Variants in COL4A2 observed in about 807,000 individuals in gnomAD.
COL4A2 encodes collagen alpha-2(IV) chain.
A neutral mutation model predicts 200.2 loss-of-function variants in COL4A2; 99 were observed. That is an observed-to-expected ratio of 0.49 (90% CI 0.42 to 0.58). The LOEUF (loss-of-function observed/expected upper bound fraction) is 0.58. Among genes scored for constraint, COL4A2 ranks in the 20% least tolerant of loss-of-function variants. The pLI, the probability that COL4A2 is intolerant of heterozygous loss-of-function variation, is 0.00. For missense variants in COL4A2, 1,950 were observed against 2,314.1 expected, an observed-to-expected ratio of 0.84 and a Z score of 3.23; for synonymous variants, 897 against 900.6, an observed-to-expected ratio of 1.00 and a Z score of 0.07.
chr13:110,334,136 G>A lies in COL4A2; in HGVS notation c.100-23336G>A, dbSNP rs915786346. ...CTAGACACGGCCTGAACACAGAGGC[G>A]TTTGATAAAAAATGTACAATATGAC... On this transcript the variant is annotated intron_variant, in intron 3 of 47. Coordinates refer to ENST00000360467, the MANE Select transcript of COL4A2 (RefSeq NM_001846.4). 3.3e-5 allele frequency among the ~76,000 whole-genome samples: 5 copies of A among 152,230 alleles called. No individual in the cohort carries two copies. In the South Asian group the frequency reaches 6.2e-4, roughly 19 times the overall value.
intron 3 of COL4A2, among the ~76,000 whole-genome samples, chr13:110,341,778 G>A (rs1239245993): frequency 2.6e-5 from 4 of 152,180 alleles, no homozygotes; most frequent in East Asian, 1.9e-4. Flanking sequence ...CCAGAGGGCC[G>A]ACGTTTCCTG....
intron 4 of COL4A2, among the ~76,000 whole-genome samples, chr13:110,395,291 C>T (rs943093118): frequency 9.9e-5 from 15 of 152,206 alleles, no homozygotes; most frequent in Non-Finnish European, 1.8e-4. Flanking sequence ...CTTCCTTCTA[C>T]GGAGCACTGC....
chr13:110,441,734 C>T (rs1881130244), intron 16 of COL4A2, among the ~76,000 whole-genome samples: 1 of 152,132 alleles, frequency 6.6e-6, no homozygotes, highest in Non-Finnish European at 1.5e-5. Flanking sequence ...TAATTTCCTA[C>T]CATGTGCTGG....
chr13:110,433,647 T>G (rs1880767284), intron 11 of COL4A2, among the ~76,000 whole-genome samples: 1 of 152,238 alleles, frequency 6.6e-6, no homozygotes, highest in African/African-American at 2.4e-5. Context: ...AGGGCTTATG[T>G]GACCCCGCTG....
chr13:110,503,001 T>A (rs1883703496), intron 41 of COL4A2, 120 bp from the exon 42 acceptor site: 4 of 895,578 alleles, frequency 4.5e-6, no homozygotes, highest in East Asian at 2.5e-5. Flanking sequence ...ATAGACAAAG[T>A]CATTCCATGC....
At chr13:110,437,240 C>G (rs895083794) in intron 13 of COL4A2, among the ~76,000 whole-genome samples, 20 of 152,142 alleles carry the variant, frequency 1.3e-4, no homozygotes, top group Admixed American at 6.5e-4. Context: ...TATGAGTGAC[C>G]GTTGACAAAA....
At chr13:110,367,738 T>G (rs938248041) in intron 4 of COL4A2, among the ~76,000 whole-genome samples, 2 of 152,244 alleles carry the variant, frequency 1.3e-5, no homozygotes, top group African/African-American at 4.8e-5. Flanking sequence ...AACAGAATCC[T>G]ATGAGCCTGG....
At chr13:110,422,660 T>A (rs1489128031) in intron 4 of COL4A2, among the ~76,000 whole-genome samples, 1 of 152,174 alleles carries the variant, frequency 6.6e-6, no homozygotes, top group Non-Finnish European at 1.5e-5. Flanking sequence ...TCCCCTTGGT[T>A]TGAGGGGACA....
In COL4A2 at chr13:110,467,728, G is replaced by T. The variant is rs551024063; in HGVS notation, c.2095+632G>T. Reference sequence around the variant, plus strand: ...CGATTCTGCTGCCCTGCACTCCAGGGTCTCCGTGGGCCTGTGAGCATCGGG... The same window carrying T: ...CGATTCTGCTGCCCTGCACTCCAGGTTCTCCGTGGGCCTGTGAGCATCGGG... On this transcript the variant is annotated intron_variant, in intron 27 of 47. Transcript: ENST00000360467. 4.6e-5 allele frequency among the ~76,000 whole-genome samples: 7 copies of T among 152,322 alleles called. No individual in the cohort carries two copies. The South Asian group carries it at 1.2e-3, about 27-fold the overall frequency.
At chr13:110,373,414 G>C (rs1339829974) in intron 4 of COL4A2, among the ~76,000 whole-genome samples, 1 of 152,218 alleles carries the variant, frequency 6.6e-6, no homozygotes, top group Non-Finnish European at 1.5e-5. Flanking sequence ...GCTTTGGGTA[G>C]TGAAATATTT....
In COL4A2 at chr13:110,400,614, A is replaced by G. The variant is rs149033586; in HGVS notation, c.181-24120A>G. 6.2e-4 allele frequency among the ~76,000 whole-genome samples: 94 copies of G among 152,366 alleles called. 2 individuals carry two copies. The East Asian group carries it at 0.018, about 29-fold the overall frequency. ...AATTACTATGATGACTATTAATTAC[A>G]TCATTTTCCAAAAGGGGGAAAAATA... On this transcript the variant is annotated intron_variant, in intron 4 of 47. Coordinates refer to ENST00000360467, the MANE Select transcript of COL4A2 (RefSeq NM_001846.4).
chr13:110,465,206 A>G (rs1474859325), intron 24 of COL4A2, among the ~76,000 whole-genome samples, 199 bp from the exon 25 acceptor site: 2 of 152,150 alleles, frequency 1.3e-5, no homozygotes, highest in Non-Finnish European at 2.9e-5. Flanking sequence ...CTTCCGTGGC[A>G]TTGCTTAGAC....
chr13:110,494,508 A>G (rs1173386901), intron 39 of COL4A2, among the ~76,000 whole-genome samples: 1 of 152,170 alleles, frequency 6.6e-6, no homozygotes, highest in African/African-American at 2.4e-5. Context: ...CTTTTTTTCA[A>G]AAGATAACCT....
rs1883762955 is a variant in COL4A2, at chr13:110,504,243, C to G, written c.4381C>G (p.Gln1461Glu). 6.2e-7 allele frequency: 1 copy of G among 1,613,908 alleles called. No individual in the cohort carries two copies. Among genetic ancestry groups the G allele is most frequent in the East Asian group, 2.2e-5 (1 of 44,874 alleles). Reference protein sequence around the residue: ...FRGDEGPIGHQGPIGQEGAPG... With the variant: ...FRGDEGPIGHEGPIGQEGAPG... ...GGGAGATGAAGGACCCATAGGCCAC[C>G]AGGGGCCGATTGGCCAAGAAGGTGA... is the stretch of plus-strand genomic sequence containing the variant. The change falls in exon 45 of 48, where the codon CAG becomes GAG. Residue 1461 changes from glutamine to glutamate, a missense_variant. Around this residue, in one of 2 missense-constraint regions of COL4A2, gnomAD observed 1,385 missense variants for 1,720.5 expected, o/e 0.80. Transcript: ENST00000360467.
chr13:110,361,595 G>A (rs144822911), intron 4 of COL4A2, among the ~76,000 whole-genome samples: 71 of 152,368 alleles, frequency 4.7e-4, no homozygotes, highest in African/African-American at 1.6e-3. Flanking sequence ...ACACGAAGCA[G>A]AAATCACAAG....
chr13:110,456,297 G>A (rs1393267154), intron 20 of COL4A2: 2 of 210,694 alleles, frequency 9.5e-6, no homozygotes, highest in East Asian at 1.3e-4. Flanking sequence ...TCCTAACTCC[G>A]TGTGTGTGCA....
intron 4 of COL4A2, among the ~76,000 whole-genome samples, chr13:110,360,082 C>T (rs147718379): frequency 7.2e-5 from 11 of 152,304 alleles, no homozygotes; most frequent in South Asian, 4.1e-4. Context: ...ATTTTCCCAA[C>T]GACACTTCTG....
rs182799100 is a variant in COL4A2, at chr13:110,452,391, T to G, written c.1339+1937T>G. On this transcript the variant is annotated intron_variant, in intron 20 of 47. Transcript: ENST00000360467. Reference sequence around the variant, plus strand: ...GTTATCCAGGATGGTCTCGATCTCCTGACCTCATGATCCGCCCGCCTCGGT... The same window carrying G: ...GTTATCCAGGATGGTCTCGATCTCCGGACCTCATGATCCGCCCGCCTCGGT... 1.8e-3 allele frequency among the ~76,000 whole-genome samples: 276 copies of G among 152,354 alleles called. 1 individual carries two copies. Among genetic ancestry groups the G allele is most frequent in the Middle Eastern group, 0.01 (3 of 294 alleles).
chr13:110,350,182 C>T (rs1317321613), intron 3 of COL4A2, among the ~76,000 whole-genome samples: 3 of 152,192 alleles, frequency 2.0e-5, no homozygotes, highest in African/African-American at 4.8e-5. Flanking sequence ...CGTTCTGCAC[C>T]TGGAAAAAAT....
Sources: allele counts gnomAD v4.1 joint callset (sites outside exome capture counted in the v4.1 genomes callset), GRCh38; gene constraint gnomAD v4.1.1; regional missense constraint gnomAD v4.1.1; transcripts MANE v1.5; gene names NCBI Gene and HGNC (gene_info 2026-07-23, HGNC 2026-07-21).